TMEM80: variants seen among roughly 807,000 people sequenced by gnomAD.
TMEM80 encodes transmembrane protein 80.
A neutral mutation model predicts 13.6 loss-of-function variants in TMEM80; 16 were observed. The ratio of observed to expected loss-of-function variants is 1.17; its 90% CI spans 0.79 to 1.78. TMEM80 has a LOEUF of 1.78. Among genes scored for constraint, TMEM80 ranks in the 40% most tolerant of loss-of-function variants. The probability of loss-of-function intolerance (pLI) is 0.00; values close to 1 mark genes in which losing one functional copy is unlikely to be tolerated. For synonymous variants in TMEM80, 92 were observed against 89.5 expected, an observed-to-expected ratio of 1.03 and a Z score of -0.16; for missense variants, 167 against 184.6, an observed-to-expected ratio of 0.90 and a Z score of 0.55.
intron 4 of TMEM80, among the ~76,000 whole-genome samples, chr11:701,638 T>G (rs1329101988): frequency 6.6e-6 from 1 of 151,906 alleles, no homozygotes; most frequent in African/African-American, 2.4e-5. Flanking sequence ...TTCCATCTCC[T>G]GACCTCCTGA....
intron 4 of TMEM80, 41 bp from the exon 5 acceptor site, chr11:702,904 C>A: frequency 6.5e-7 from 1 of 1,545,036 alleles, no homozygotes; most frequent in Non-Finnish European, 8.8e-7. Flanking sequence ...CTCCAGGGAG[C>A]GCCTCGCACC....
At chr11:700,967 A>C (rs1449771478) in intron 4 of TMEM80, 2 of 478,152 alleles carry the variant, frequency 4.2e-6, no homozygotes, top group Non-Finnish European at 3.7e-6. Context: ...GCCACTGGGT[A>C]ATGGCACTGA....
At chr11:701,412 T>C (rs1367634792) in intron 4 of TMEM80, among the ~76,000 whole-genome samples, 9 of 132,208 alleles carry the variant, frequency 6.8e-5, no homozygotes, top group South Asian at 2.7e-4. Flanking sequence ...GTTTCTTTTT[T>C]TTTTTTTTTT....
At chr11:701,633 T>A (rs562039285) in intron 4 of TMEM80, among the ~76,000 whole-genome samples, 2 of 152,044 alleles carry the variant, frequency 1.3e-5, no homozygotes, top group African/African-American at 2.4e-5. Context: ...ATGGTTTCCA[T>A]CTCCTGACCT....
intron 2 of TMEM80, chr11:699,090 G>C: frequency 1.6e-6 from 1 of 626,512 alleles, no homozygotes; most frequent in Non-Finnish European, 2.8e-6. Flanking sequence ...TACCTGCTCA[G>C]CCCTGCACAA....
intron 1 of TMEM80, chr11:697,799 C>T (rs1268947760): frequency 6.6e-6 from 1 of 152,298 alleles, no homozygotes; most frequent in Non-Finnish European, 1.5e-5. Context: ...ACTTGGCTTC[C>T]TGCTTCCATC....
At chr11:701,626 G>A (rs925164279) in intron 4 of TMEM80, among the ~76,000 whole-genome samples, 2 of 151,800 alleles carry the variant, frequency 1.3e-5, no homozygotes, top group Non-Finnish European at 2.9e-5. Context: ...AGCCAGGATG[G>A]TTTCCATCTC....
At position 703,947 on chromosome 11, in the gene TMEM80, T is replaced by A; in HGVS notation, c.*797T>A. 1 of 1,241,120 alleles carries A rather than the reference T, an allele frequency of 8.1e-7. No homozygotes were observed. The allele number at this position is 1,241,120 out of a possible 1,614,324, so 76.9% of individuals were successfully genotyped here. A position where few individuals can be genotyped will look rare whatever the true frequency, so the allele number is the denominator to read the frequency against. Reference sequence around the variant, plus strand: ...GTGCTAAACAAATTCTAGCTCTGTGTTTTTTTCCCATTCCCAGATTTACTA... The same window carrying A: ...GTGCTAAACAAATTCTAGCTCTGTGATTTTTTCCCATTCCCAGATTTACTA... On this transcript the variant is annotated 3_prime_UTR_variant, in exon 5 of 5. Coordinates refer to ENST00000397510, the MANE Select transcript of TMEM80 (RefSeq NM_001042463.3).
Position 703,659 on chromosome 11 carries a change from C to A in TMEM80, c.*509C>A. ...GACGCAGGATGGGGTAGGCCTTGTGCTCTGAGCAACCCCAGCTCTGCCTCA... is the reference window on the plus strand; with the variant it reads ...GACGCAGGATGGGGTAGGCCTTGTGATCTGAGCAACCCCAGCTCTGCCTCA... On this transcript the variant is annotated 3_prime_UTR_variant, in exon 5 of 5. Coordinates refer to ENST00000397510, the MANE Select transcript of TMEM80 (RefSeq NM_001042463.3). The A allele has an allele frequency of 8.1e-7, 1 of 1,232,642 alleles. No homozygotes were observed. The allele number at this position is 1,232,642 out of a possible 1,614,324, so 76.4% of individuals were successfully genotyped here. A position where few individuals can be genotyped will look rare whatever the true frequency, so the allele number is the denominator to read the frequency against.
intron 3 of TMEM80, 125 bp downstream of exon 3, chr11:700,360 C>T (rs1861390950): frequency 1.1e-6 from 1 of 899,138 alleles, no homozygotes; most frequent in Admixed American, 2.3e-5. Flanking sequence ...AACCCCATCT[C>T]TACTAAAAAC....
upstream of TMEM80, chr11:695,765 G>C: frequency 2.4e-6 from 3 of 1,238,668 alleles, no homozygotes; most frequent in Non-Finnish European, 3.0e-6. Flanking sequence ...GGCCGAAGGA[G>C]CGCGAGCGCG....
upstream of TMEM80, chr11:695,720 C>T (rs1400356506): frequency 8.1e-7 from 1 of 1,240,672 alleles, no homozygotes. Context: ...CGAAACGCGG[C>T]GCGGTCGGGC....
intron 2 of TMEM80, 29 bp downstream of exon 2, chr11:698,917 G>A (rs1377372339): frequency 6.2e-7 from 1 of 1,613,714 alleles, no homozygotes; most frequent in Non-Finnish European, 8.5e-7. Context: ...CTCCAGGACA[G>A]CACCCAGAGG....
chr11:703,200 C>A lies in TMEM80; in HGVS notation c.*50C>A. On this transcript the variant is annotated 3_prime_UTR_variant, in exon 5 of 5. Transcript: ENST00000397510. ...ACTGGGGCCCTCCTCCTGGGCCTGA[C>A]CAGTCCCCCAGCTGTCACCTCCCCA... 1 of 1,538,848 alleles carries A rather than the reference C, an allele frequency of 6.5e-7. No homozygotes were observed. The highest frequency in any genetic ancestry group is 1.9e-5 in the Admixed American group (1 of 51,566).
Position 700,794 on chromosome 11 carries a change from G to A in TMEM80, c.226+87G>A, listed in dbSNP as rs900903740. 9.3e-5 allele frequency: 118 copies of A among 1,267,000 alleles called. 1 individual carries two copies. Among genetic ancestry groups the A allele is most frequent in the Middle Eastern group, 7.4e-4 (4 of 5,380 alleles). The allele number at this position is 1,267,000 out of a possible 1,614,324, so 78.5% of individuals were successfully genotyped here. On this transcript the variant is annotated intron_variant, in intron 4 of 4. Coordinates refer to ENST00000397510, the MANE Select transcript of TMEM80 (RefSeq NM_001042463.3). ...CTTTCAAGAGTAATTATTTTATAGT[G>A]TGGTTCTCAGAGACATTTTTTATCC...
At position 703,120 on chromosome 11, in the gene TMEM80, G is replaced by A. The variant is rs1344280459; in HGVS notation, c.402G>A (p.Gln134=). The A allele has an allele frequency of 1.1e-5, 18 of 1,609,218 alleles. No individual in the cohort carries two copies. The highest frequency in any genetic ancestry group is 1.5e-5 in the Non-Finnish European group (18 of 1,177,356). Residue 134 remains glutamine, a synonymous_variant, in exon 5 of 5, where the codon CAG becomes CAA. Coordinates refer to ENST00000397510, the MANE Select transcript of TMEM80 (RefSeq NM_001042463.3). ...LALHGLEAVL[Q]VVAIAAFTR is the part of the protein sequence containing the mutation. ...TTCACGGCCTGGAGGCCGTCCTGCA[G>A]GTGGTTGCCATCGCGGCCTTCACCA...
chr11:701,661 G>A (rs112521605), intron 4 of TMEM80, among the ~76,000 whole-genome samples: 13 of 151,734 alleles, frequency 8.6e-5, no homozygotes, highest in Non-Finnish European at 1.3e-4. Flanking sequence ...CGCCCACCTC[G>A]GCCTCCCAAA....
downstream of TMEM80, chr11:704,454 G>A: frequency 7.8e-7 from 1 of 1,289,328 alleles, no homozygotes; most frequent in Non-Finnish European, 1.0e-6. Context: ...GCCACGGTGA[G>A]CTGCAGGACA....
rs765072964 is a variant in TMEM80 at position 702,981 on chromosome 11, T to C, written c.263T>C (p.Leu88Pro). ...RGNLTEAERPLAASLALTAGT... is the reference protein window; with the variant it reads ...RGNLTEAERPPAASLALTAGT... ...AACCTGACAGAGGCTGAGAGGCCGC[T>C]GGCCGCCAGCCTGGCCCTCACGGCT... Residue 88 changes from leucine (L) to proline (P), a missense_variant, in exon 5 of 5, where the codon CTG becomes CCG. By Grantham distance (98) the Leu-to-Pro change is moderately conservative (BLOSUM62 -3). Transcript: ENST00000397510. 8 of 1,610,326 alleles carry C rather than the reference T, an allele frequency of 5.0e-6. No homozygotes were observed. In the Admixed American group the frequency reaches 8.3e-5, roughly 17 times the overall value.
Sources: allele counts gnomAD v4.1 joint callset (sites outside exome capture counted in the v4.1 genomes callset), GRCh38; gene constraint gnomAD v4.1.1; transcripts MANE v1.5; gene names NCBI Gene and HGNC (gene_info 2026-07-23, HGNC 2026-07-21).